MTOR: variants seen among roughly 807,000 people sequenced by gnomAD.
MTOR encodes mechanistic target of rapamycin kinase, also known as serine/threonine-protein kinase mTOR.
Under a neutral mutation model 319.8 loss-of-function variants are expected in MTOR, and 70 were observed. That is an observed-to-expected ratio of 0.22 (90% CI 0.18 to 0.27). The LOEUF (loss-of-function observed/expected upper bound fraction) is 0.27. MTOR is among the 10% of genes least tolerant of loss of function. MTOR has a pLI of 1.00. For synonymous variants in MTOR, 1,183 were observed against 1,211.4 expected (o/e 0.98, Z 0.49); for missense variants, 1,890 against 3,274.4 (o/e 0.58, Z 10.32).
intron 28 of MTOR, among the ~76,000 whole-genome samples, chr1:11,196,306 G>A (rs1044776484): frequency 6.6e-6 from 1 of 152,190 alleles, no homozygotes; most frequent in Non-Finnish European, 1.5e-5. Flanking sequence ...AAAGTGGTGT[G>A]TGTGCGCTTT....
intron 26 of MTOR, among the ~76,000 whole-genome samples, chr1:11,204,130 T>C (rs917529104): frequency 5.9e-5 from 9 of 152,178 alleles, no homozygotes; most frequent in Admixed American, 1.3e-4. Context: ...ACTGACACCA[T>C]GTGGAGCAGA....
intron 25 of MTOR, 84 bp from the exon 26 acceptor site, chr1:11,204,787 A>G: frequency 7.1e-7 from 1 of 1,403,208 alleles, no homozygotes; most frequent in Non-Finnish European, 9.6e-7. Flanking sequence ...TGATTATTCT[A>G]CTTTTAGATT....
At chr1:11,218,984 G>A (rs1291704537) in intron 19 of MTOR, among the ~76,000 whole-genome samples, 1 of 151,766 alleles carries the variant, frequency 6.6e-6, no homozygotes, top group Admixed American at 6.6e-5. Context: ...AAGGTAGGCA[G>A]ATCACCCCGA....
intron 29 of MTOR, among the ~76,000 whole-genome samples, chr1:11,159,599 C>A (rs1644412598): frequency 1.3e-5 from 2 of 151,788 alleles, no homozygotes; most frequent in African/African-American, 4.8e-5. Context: ...CAAGATCGTG[C>A]CATTGCACTC....
At position 11,113,738 on chromosome 1, in the gene MTOR, G is replaced by T. The variant is rs538210506; in HGVS notation, c.7300+580C>A. ...GGTGATCCTCCTGCCTCTGCCTCCT[G>T]AGCAGGTAGGACCACCGGCATGTGC... On this transcript the variant is annotated intron_variant, in intron 53 of 57. Coordinates refer to ENST00000361445, the MANE Select transcript of MTOR (RefSeq NM_004958.4). Among the ~76,000 whole-genome samples, 30 of 152,096 alleles carry T rather than the reference G, an allele frequency of 2.0e-4. No individual in the cohort carries two copies. In the South Asian group the frequency reaches 3.9e-3, roughly 20 times the overall value.
chr1:11,150,237 T>C lies in MTOR; in HGVS notation c.4470-11A>G. ...TGGTGGAGTTGACCCCTGAAGAAAA[T>C]GAATTATATAGTCAGATTAATCCAA... is the stretch of plus-strand genomic sequence containing the variant. On this transcript the variant is annotated splice_polypyrimidine_tract_variant and intron_variant, in intron 30 of 57. Transcript: ENST00000361445. 6.2e-7 allele frequency: 1 copy of C among 1,608,908 alleles called. No homozygotes were observed. Among genetic ancestry groups the C allele is most frequent in the Middle Eastern group, 1.7e-4 (1 of 6,058 alleles).
intron 28 of MTOR, among the ~76,000 whole-genome samples, chr1:11,171,483 C>T (rs1412952841): frequency 6.6e-6 from 1 of 151,788 alleles, no homozygotes; most frequent in East Asian, 1.9e-4. Flanking sequence ...TACCGAAGCT[C>T]GATTCATTCC....
At chr1:11,185,010 C>G (rs1287806795) in intron 28 of MTOR, among the ~76,000 whole-genome samples, 1 of 152,212 alleles carries the variant, frequency 6.6e-6, no homozygotes, top group Non-Finnish European at 1.5e-5. Flanking sequence ...CATAGCTGCA[C>G]CTTTGCTTAC....
intron 19 of MTOR, among the ~76,000 whole-genome samples, chr1:11,220,065 G>A (rs201037063): frequency 1.6e-3 from 177 of 107,516 alleles, no homozygotes; most frequent in Middle Eastern, 7.5e-3. Flanking sequence ...AGAAAAGAAA[G>A]AAAAAAAAAA....
chr1:11,125,202 A>G (rs932935587), intron 46 of MTOR, among the ~76,000 whole-genome samples: 1 of 151,942 alleles, frequency 6.6e-6, no homozygotes, highest in African/African-American at 2.4e-5. Flanking sequence ...GCTGAGTAAC[A>G]ATTTCTCACT....
chr1:11,178,453 G>A (rs992633368), intron 28 of MTOR, among the ~76,000 whole-genome samples: 4 of 152,200 alleles, frequency 2.6e-5, no homozygotes, highest in Non-Finnish European at 4.4e-5. Flanking sequence ...CATTTCCAAG[G>A]CTCTGGCTGA....
rs2100794343 is a variant in MTOR at position 11,212,714 on chromosome 1, T to C, written c.3398+82A>G. The C allele has an allele frequency of 1.6e-6, 2 of 1,273,864 alleles. No homozygotes were observed. The highest frequency in any genetic ancestry group is 2.3e-5 in the East Asian group (1 of 42,922). 78.9% of individuals were successfully genotyped at this position (1,273,864 alleles called of 1,614,324 possible). A position where few individuals can be genotyped will look rare whatever the true frequency, so the allele number is the denominator to read the frequency against. ...TGAAATAACAAAAAAAATAGAAAGA[T>C]GGCCTGGGAACTTAAGAAATGAACA... On this transcript the variant is annotated intron_variant, in intron 22 of 57. Transcript: ENST00000361445. This position sits in a 1 kb window ranked among gnomAD's most constrained non-coding sequence, Gnocchi z 4.1.
intron 29 of MTOR, among the ~76,000 whole-genome samples, chr1:11,161,007 CA>C (rs1205824611): frequency 6.6e-6 from 1 of 152,196 alleles, no homozygotes; most frequent in Non-Finnish European, 1.5e-5. Context: ...CCCGGAAGCA[CA>C]AGGGGTCAGG....
At position 11,121,971 on chromosome 1, in the gene MTOR, T is replaced by A. The variant is rs2100361440; in HGVS notation, c.6810+8A>T. ...AGGGGCACTAGCTCTCGTGGCCGCA[T>A]CACATACCCGCAACATGATGCGATG... On this transcript the variant is annotated splice_region_variant and intron_variant, in intron 48 of 57. Coordinates refer to ENST00000361445, the MANE Select transcript of MTOR (RefSeq NM_004958.4). This position sits in a 1 kb window ranked among gnomAD's most constrained non-coding sequence, Gnocchi z 4.9. The A allele has an allele frequency of 6.2e-7, 1 of 1,613,852 alleles. No homozygotes were observed. Among genetic ancestry groups the A allele is most frequent in the Non-Finnish European group, 8.5e-7 (1 of 1,179,870 alleles).
At chr1:11,166,940 T>C (rs1557795369) in intron 29 of MTOR, among the ~76,000 whole-genome samples, 1 of 152,180 alleles carries the variant, frequency 6.6e-6, no homozygotes, top group Admixed American at 6.5e-5. Flanking sequence ...TTCATGTCCA[T>C]TGTAGGGACA....
chr1:11,184,430 TG>T (rs1645249705), intron 28 of MTOR, among the ~76,000 whole-genome samples: 1 of 152,232 alleles, frequency 6.6e-6, no homozygotes, highest in Non-Finnish European at 1.5e-5. Context: ...ATCATTCATT[TG>T]CGGTGAAAAA....
intron 28 of MTOR, among the ~76,000 whole-genome samples, chr1:11,176,348 G>A (rs757652200): frequency 1.4e-4 from 21 of 152,184 alleles, no homozygotes; most frequent in African/African-American, 2.4e-4. Context: ...GCAAAGTGAT[G>A]CAAGCCTCTT....
Position 11,107,289 on chromosome 1 carries a change from T to G in MTOR, c.*196A>C. On this transcript the variant is annotated 3_prime_UTR_variant, in exon 58 of 58. Coordinates refer to ENST00000361445, the MANE Select transcript of MTOR (RefSeq NM_004958.4). ...CCTGGGAACCAAATCAAGCCTTGTG[T>G]TTCTGACAATATATTCTTCAACAGC... 1 of 1,459,182 alleles carries G rather than the reference T, an allele frequency of 6.9e-7. No individual in the cohort carries two copies. The highest frequency in any genetic ancestry group is 1.5e-5 in the South Asian group (1 of 68,616). 90.4% of individuals were successfully genotyped at this position (1,459,182 alleles called of 1,614,324 possible).
Position 11,204,717 on chromosome 1 carries a change from G to C in MTOR, c.3802-14C>G. ...AGCGCCCCAGGCCTGTGATCCCACA[G>C]GTGACAATGGAAAACAATCAGTTTC... On this transcript the variant is annotated splice_polypyrimidine_tract_variant and intron_variant, in intron 25 of 57. Coordinates refer to ENST00000361445, the MANE Select transcript of MTOR (RefSeq NM_004958.4). 6.2e-7 allele frequency: 1 copy of C among 1,610,324 alleles called. No homozygotes were observed. The highest frequency in any genetic ancestry group is 2.2e-5 in the East Asian group (1 of 44,812).
Sources: gnomAD v4.1 joint callset for allele counts (sites outside exome capture counted in the v4.1 genomes callset) on GRCh38, gnomAD v4.1.1 for gene constraint, Gnocchi (gnomAD v3.1) non-coding constraint, MANE v1.5 for transcripts, NCBI Gene and HGNC (gene_info 2026-07-23, HGNC 2026-07-21) for gene names.